Variants in DPH7 observed in about 807,000 individuals in gnomAD.
DPH7 encodes the protein diphthamide biosynthesis 7, also known as diphthine methyltransferase.
A neutral mutation model predicts 41.7 loss-of-function variants in DPH7; 44 were observed. The observed-to-expected ratio is 1.05, with a 90% CI of 0.83 to 1.36. The LOEUF (loss-of-function observed/expected upper bound fraction) is 1.36. Among genes scored for constraint, DPH7 ranks in the 40% most tolerant of loss-of-function variants. DPH7 has a pLI of 0.00. For missense variants in DPH7, 629 were observed against 577.5 expected (o/e 1.09, Z -0.91); for synonymous variants, 275 against 238.0 (o/e 1.16, Z -1.43).
rs1839364924 is a variant in DPH7 at position 137,565,085 on chromosome 9, C to T, written c.710G>A (p.Arg237Lys). 2 of 1,614,040 alleles carry T rather than the reference C, an allele frequency of 1.2e-6. No individual in the cohort carries two copies. Among genetic ancestry groups the T allele is most frequent in the Non-Finnish European group, 1.7e-6 (2 of 1,180,008 alleles). Residue 237 changes from arginine to lysine, a missense_variant and splice_region_variant, in exon 6 of 9, where the codon AGA becomes AAA. Coordinates refer to ENST00000277540, the MANE Select transcript of DPH7 (RefSeq NM_138778.5). ...CGAGTGCTGGCCCTTGGGCAGTTAC[C>T]TTTTGCTGGTGAAGAGAAATTTGCC... The part of the protein sequence containing the change: ...VPGKFLFTSK[R>K]HTMGVCSIQS...
chr9:137,556,834 G>A lies in DPH7; in HGVS notation c.950-1186C>T, dbSNP rs1837589264. The A allele has an allele frequency of 2.2e-6, 1 of 456,512 alleles. No homozygotes were observed. The highest frequency in any genetic ancestry group is 1.5e-5 in the South Asian group (1 of 64,568). 28.3% of individuals were successfully genotyped at this position (456,512 alleles called of 1,614,324 possible). On this transcript the variant is annotated intron_variant, in intron 8 of 8. Transcript: ENST00000277540. This position sits in a 1 kb window ranked among gnomAD's most constrained non-coding sequence, Gnocchi z 5.2. ...TCTACAGCTTAGGAAAAGGTAATAAGGCAGAGTCTAAGCCCTCAGAGAGCC... is the reference window on the plus strand; with the variant it reads ...TCTACAGCTTAGGAAAAGGTAATAAAGCAGAGTCTAAGCCCTCAGAGAGCC...
Position 137,577,544 on chromosome 9 carries a change from G to C in DPH7, c.213C>G (p.Phe71Leu), listed in dbSNP as rs1319792644. ...GAGGGTGAATAGAGTTGTTGTCATTGAAACTGTACAGGAAGAGACGGCCTA... is the reference window on the plus strand; with the variant it reads ...GAGGGTGAATAGAGTTGTTGTCATTCAAACTGTACAGGAAGAGACGGCCTA... ...VRLGRLFLYSFNDNNSIHPLV... is the reference protein window; with the variant it reads ...VRLGRLFLYSLNDNNSIHPLV... Residue 71 changes from phenylalanine to leucine, a missense_variant, in exon 2 of 9, where the codon TTC (phenylalanine) becomes TTG (leucine). Phe to Leu is a conservative substitution (Grantham distance 22, BLOSUM62 0). Coordinates refer to ENST00000277540, the MANE Select transcript of DPH7 (RefSeq NM_138778.5). The C allele has an allele frequency of 1.2e-6, 2 of 1,614,060 alleles. No homozygotes were observed. The highest frequency in any genetic ancestry group is 1.7e-6 in the Non-Finnish European group (2 of 1,179,974).
chr9:137,578,632 T>C lies in DPH7; in HGVS notation c.146A>G (p.Gln49Arg). The change falls in exon 1 of 9, where the codon CAG becomes CGG. Residue 49 changes from glutamine (Q) to arginine (R), a missense_variant. Gln to Arg is a conservative substitution (Grantham distance 43). Transcript: ENST00000277540. ...RRPEDRPAGP[Q>R]NKGGMEVKEP... ...AAGCCGCGGCGCGCGCACCTTGTTC[T>C]GGGGGCCGGCAGGCCGGTCCTCCGG... is the stretch of plus-strand genomic sequence containing the variant. 6.6e-7 allele frequency: 1 copy of C among 1,506,046 alleles called. No homozygotes were observed. Among genetic ancestry groups the C allele is most frequent in the Non-Finnish European group, 8.8e-7 (1 of 1,132,920 alleles). 93.3% of individuals were successfully genotyped at this position (1,506,046 alleles called of 1,614,324 possible).
chr9:137,569,092 G>T (rs578198438), intron 5 of DPH7, among the ~76,000 whole-genome samples: 1 of 152,186 alleles, frequency 6.6e-6, no homozygotes, highest in East Asian at 1.9e-4. Flanking sequence ...AAGCAATGCA[G>T]ACATGGGGTG....
intron 8 of DPH7, among the ~76,000 whole-genome samples, chr9:137,561,021 C>CAAAAAAAAAAAAA (rs869251490): frequency 1.2e-5 from 1 of 80,670 alleles, no homozygotes; most frequent in Non-Finnish European, 2.5e-5. Flanking sequence ...GACCCCATCT[C>CAAAAAAAAAAAAA]AAAAAAAAAA....
chr9:137,575,081 T>G, intron 3 of DPH7: 3 of 1,299,628 alleles, frequency 2.3e-6, no homozygotes, highest in Non-Finnish European at 2.9e-6. Context: ...TCCCACAGGC[T>G]TGATCTTGGG....
In DPH7 at chr9:137,559,895, T is replaced by C. The variant is rs150541376; in HGVS notation, c.950-4247A>G. ...TGGTCCCCCGGGCCCAGCTGTCTTT[T>C]CTTTTATCTCTGTCTTGTGTCTTTA... On this transcript the variant is annotated intron_variant, in intron 8 of 8. Coordinates refer to ENST00000277540, the MANE Select transcript of DPH7 (RefSeq NM_138778.5). Among the ~76,000 whole-genome samples, 132 of 152,262 alleles carry C rather than the reference T, an allele frequency of 8.7e-4. 1 individual carries two copies. In the East Asian group the frequency reaches 0.022, roughly 25 times the overall value.
chr9:137,571,186 T>C (rs886893871), intron 5 of DPH7, among the ~76,000 whole-genome samples: 1 of 151,882 alleles, frequency 6.6e-6, no homozygotes, highest in Non-Finnish European at 1.5e-5. Context: ...TGTATTTATA[T>C]AAATAAATTT....
chr9:137,575,272 T>A, intron 3 of DPH7: 1 of 995,228 alleles, frequency 1.0e-6, no homozygotes, highest in Non-Finnish European at 1.2e-6. Context: ...GGTTTCCACT[T>A]CAGAAGCCGC....
chr9:137,558,109 C>G (rs1043124372), intron 8 of DPH7, among the ~76,000 whole-genome samples: 2 of 152,044 alleles, frequency 1.3e-5, no homozygotes, highest in East Asian at 3.9e-4. Flanking sequence ...GTATTCCAGC[C>G]TGGGAGACAG....
intron 5 of DPH7, among the ~76,000 whole-genome samples, chr9:137,571,669 T>A (rs567742540): frequency 6.6e-6 from 1 of 151,682 alleles, no homozygotes; most frequent in South Asian, 2.1e-4. Flanking sequence ...GTGCCTATAA[T>A]CCCAATTACT....
In DPH7 at chr9:137,578,627, T is replaced by C. The variant is rs1277271264; in HGVS notation, c.151A>G (p.Lys51Glu). The change falls in exon 1 of 9, where the codon AAG (lysine) becomes GAG (glutamate). Residue 51 changes from lysine (K) to glutamate (E), a missense_variant and splice_region_variant. By Grantham distance (56) the Lys-to-Glu change is moderately conservative. Coordinates refer to ENST00000277540, the MANE Select transcript of DPH7 (RefSeq NM_138778.5). Reference sequence around the variant, plus strand: ...TCCCGAAGCCGCGGCGCGCGCACCTTGTTCTGGGGGCCGGCAGGCCGGTCC... The same window carrying C: ...TCCCGAAGCCGCGGCGCGCGCACCTCGTTCTGGGGGCCGGCAGGCCGGTCC... ...PEDRPAGPQN[K>E]GGMEVKEPQV... The C allele has an allele frequency of 3.3e-6, 5 of 1,495,674 alleles. No homozygotes were observed. In the Admixed American group the frequency reaches 8.9e-5, roughly 27 times the overall value. 92.7% of individuals were successfully genotyped at this position (1,495,674 alleles called of 1,614,324 possible).
At chr9:137,575,039 A>T in intron 3 of DPH7, 196 bp from the exon 4 acceptor site, 1 of 1,388,000 alleles carries the variant, frequency 7.2e-7, no homozygotes, top group South Asian at 1.6e-5. Context: ...GGGACACTGG[A>T]GCTCACACTC....
Position 137,558,332 on chromosome 9 carries a change from G to C in DPH7, c.950-2684C>G, listed in dbSNP as rs531650231. On this transcript the variant is annotated intron_variant, in intron 8 of 8. Transcript: ENST00000277540. ...GGACTGCTTGTGTCCAGGTGGTCCGGGCTGCAGTGAGCTCTGACTCCACCA... is the reference window on the plus strand; with the variant it reads ...GGACTGCTTGTGTCCAGGTGGTCCGCGCTGCAGTGAGCTCTGACTCCACCA... 4.5e-4 allele frequency among the ~76,000 whole-genome samples: 68 copies of C among 152,136 alleles called. 1 individual carries two copies. The highest frequency in any genetic ancestry group is 2.7e-3 in the Admixed American group (41 of 15,274).
chr9:137,565,286 T>C lies in DPH7; in HGVS notation c.641-132A>G, dbSNP rs373503665. 7.7e-4 allele frequency: 465 copies of C among 607,158 alleles called. 1 individual carries two copies. Among genetic ancestry groups the C allele is most frequent in the African/African-American group, 6.6e-3 (267 of 40,508 alleles). 37.6% of individuals were successfully genotyped at this position (607,158 alleles called of 1,614,324 possible). A position where few individuals can be genotyped will look rare whatever the true frequency, so the allele number is the denominator to read the frequency against. ...GGAAGCTCCCCGGGGTGACTCTGTC[T>C]GTGAGGAAGCTCCCCTGGGTGACTG... is the stretch of plus-strand genomic sequence containing the variant. On this transcript the variant is annotated intron_variant, in intron 5 of 8. Transcript: ENST00000277540.
rs747882256 is a variant in DPH7 at position 137,555,566 on chromosome 9, G to A, written c.1032C>T (p.Leu344=). 63 of 1,613,778 alleles carry A rather than the reference G, an allele frequency of 3.9e-5. 1 individual carries two copies. In the South Asian group the frequency reaches 4.2e-4, roughly 11 times the overall value. ...AGGGGGCCCGCTGCAGAGAACGGAA[G>A]AGCAGCCAGGACCAGTCGGCTCCAT... The part of the protein sequence containing the change: ...LVYGADWSWL[L]FRSLQRAPSW... Residue 344 remains leucine, a synonymous_variant, in exon 9 of 9, where the codon CTC becomes CTT. Coordinates refer to ENST00000277540, the MANE Select transcript of DPH7 (RefSeq NM_138778.5).
At chr9:137,562,983 A>T (rs112052316) in intron 8 of DPH7, among the ~76,000 whole-genome samples, 11 of 150,666 alleles carry the variant, frequency 7.3e-5, no homozygotes, top group African/African-American at 2.4e-4. Flanking sequence ...AAAAGATCTC[A>T]AATTGTTTTA....
At chr9:137,561,369 G>A (rs893613518) in intron 8 of DPH7, among the ~76,000 whole-genome samples, 11 of 151,714 alleles carry the variant, frequency 7.3e-5, no homozygotes, top group African/African-American at 2.2e-4. Context: ...GTGAAACCTC[G>A]TCTCCAATAA....
chr9:137,574,124 A>G, intron 5 of DPH7, 84 bp downstream of exon 5: 1 of 1,401,140 alleles, frequency 7.1e-7, no homozygotes, highest in South Asian at 1.3e-5. Context: ...CTGGAATCAC[A>G]GCTGTGGCAC....
Sources: gnomAD v4.1 joint callset for allele counts (sites outside exome capture counted in the v4.1 genomes callset) on GRCh38, gnomAD v4.1.1 for gene constraint, Gnocchi (gnomAD v3.1) non-coding constraint, MANE v1.5 for transcripts, NCBI Gene and HGNC (gene_info 2026-07-23, HGNC 2026-07-21) for gene names.